Variants in PLCG2 observed in about 807,000 individuals in gnomAD.
The protein encoded by PLCG2 is phospholipase C gamma 2, also known as 1-phosphatidylinositol 4,5-bisphosphate phosphodiesterase gamma-2.
A neutral mutation model predicts 175.6 loss-of-function variants in PLCG2; 69 were observed. The observed-to-expected ratio is 0.39, with a 90% confidence interval of 0.32 to 0.48. The LOEUF is 0.48. PLCG2 is among the 20% of genes least tolerant of loss of function. PLCG2 has a pLI of 0.91. For synonymous variants in PLCG2, 827 were observed against 624.0 expected (o/e 1.33, Z -4.85); for missense variants, 1,798 against 1,650.9 (o/e 1.09, Z -1.54).
At chr16:81,921,396 T>C (rs541719836) in intron 21 of PLCG2, 127 bp downstream of exon 21, 25 of 717,212 alleles carry the variant, frequency 3.5e-5, no homozygotes, top group African/African-American at 2.3e-4. Context: ...AAATAATTTT[T>C]TTTTTTTTTT....
intron 5 of PLCG2, among the ~76,000 whole-genome samples, chr16:81,867,935 G>A (rs187255417): frequency 1.2e-4 from 18 of 152,216 alleles, no homozygotes; most frequent in South Asian, 8.3e-4. Context: ...CTCTGACCTC[G>A]TGATCCGCCC....
chr16:81,794,300 A>G (rs772055523), intron 2 of PLCG2, among the ~76,000 whole-genome samples: 3 of 152,196 alleles, frequency 2.0e-5, no homozygotes, highest in African/African-American at 7.2e-5. Flanking sequence ...TTTGAAAGTT[A>G]TTATTTTATC....
intron 7 of PLCG2, among the ~76,000 whole-genome samples, chr16:81,880,016 C>G (rs4423414): frequency 0.95 from 145,245 of 152,318 alleles, 69,579 homozygotes; most frequent in East Asian, 1. Context: ...CAGGAGGGAG[C>G]ATCTCTTGAG....
At chr16:81,792,800 T>G (rs1446650780) in intron 2 of PLCG2, among the ~76,000 whole-genome samples, 1 of 152,132 alleles carries the variant, frequency 6.6e-6, no homozygotes, top group East Asian at 1.9e-4. Flanking sequence ...GGGTCCCTCC[T>G]ATGACACATG....
chr16:81,849,391 T>G (rs1202152270), intron 2 of PLCG2, among the ~76,000 whole-genome samples: 1 of 152,150 alleles, frequency 6.6e-6, no homozygotes, highest in Non-Finnish European at 1.5e-5. Context: ...CAATGTTACC[T>G]TGTCTAAAAA....
intron 2 of PLCG2, among the ~76,000 whole-genome samples, chr16:81,822,285 G>A (rs36117302): frequency 6.6e-6 from 1 of 152,178 alleles, no homozygotes; most frequent in African/African-American, 2.4e-5. Context: ...GGTCGGCATA[G>A]GTGGTAAGCA....
intron 2 of PLCG2, among the ~76,000 whole-genome samples, chr16:81,837,198 G>T (rs534205537): frequency 6.6e-6 from 1 of 152,372 alleles, no homozygotes; most frequent in Admixed American, 6.5e-5. Context: ...TGCTGCTTCA[G>T]ATGGAAGTCA....
intron 25 of PLCG2, among the ~76,000 whole-genome samples, chr16:81,932,816 C>G (rs1004645879): frequency 2.6e-5 from 4 of 152,244 alleles, no homozygotes; most frequent in Non-Finnish European, 5.9e-5. Context: ...TAATTCTTCC[C>G]ATGGCTTTTC....
chr16:81,795,756 G>C (rs1911440785), intron 2 of PLCG2, among the ~76,000 whole-genome samples: 1 of 151,994 alleles, frequency 6.6e-6, no homozygotes, highest in African/African-American at 2.4e-5. Flanking sequence ...CTGGAGTACA[G>C]TGGTGTGATC....
intron 2 of PLCG2, among the ~76,000 whole-genome samples, chr16:81,812,043 CTTTTTTTTTT>C (rs539108021): frequency 1.9e-4 from 17 of 90,330 alleles, no homozygotes; most frequent in Non-Finnish European, 3.2e-4. Context: ...TGTTTCCTGA[CTTTTTTTTTT>C]TTTTTTTTTT....
intron 2 of PLCG2, among the ~76,000 whole-genome samples, chr16:81,831,616 G>A (rs1020169892): frequency 5.9e-5 from 9 of 152,166 alleles, no homozygotes; most frequent in African/African-American, 2.2e-4. Context: ...GAGGGAGGCA[G>A]GTAGATTTCA....
intron 2 of PLCG2, among the ~76,000 whole-genome samples, chr16:81,766,009 T>A (rs1371503553): frequency 6.6e-6 from 1 of 152,180 alleles, no homozygotes; most frequent in East Asian, 1.9e-4. Context: ...TGCTTGGGTA[T>A]TTTTTTACTT....
chr16:81,944,538 C>A (rs369715245), intron 30 of PLCG2, among the ~76,000 whole-genome samples: 3 of 152,328 alleles, frequency 2.0e-5, no homozygotes, highest in South Asian at 4.1e-4. Flanking sequence ...GATCATAGCT[C>A]ATGGCAGCCT....
At chr16:81,845,077 C>T (rs1170039015) in intron 2 of PLCG2, among the ~76,000 whole-genome samples, 1 of 152,172 alleles carries the variant, frequency 6.6e-6, no homozygotes, top group Non-Finnish European at 1.5e-5. Context: ...TACCAGTGTG[C>T]ACCAGCACAC....
At chr16:81,785,859 A>T in intron 1 of PLCG2, 84 bp from the exon 2 acceptor site, 1 of 799,860 alleles carries the variant, frequency 1.3e-6, no homozygotes, top group East Asian at 2.5e-5. Flanking sequence ...ATGAGACAGG[A>T]TTTTGGTTCC....
intron 2 of PLCG2, among the ~76,000 whole-genome samples, chr16:81,805,590 G>C (rs564866579): frequency 4.8e-5 from 7 of 146,190 alleles, no homozygotes; most frequent in Non-Finnish European, 1.1e-4. Flanking sequence ...CAATTAAAAA[G>C]TGGGCGAAAG....
intron 9 of PLCG2, among the ~76,000 whole-genome samples, chr16:81,887,346 C>G (rs1319367665): frequency 6.6e-6 from 1 of 152,094 alleles, no homozygotes; most frequent in African/African-American, 2.4e-5. Context: ...GTCTCGATCT[C>G]CTGACCTCAT....
chr16:81,950,738 C>A (rs189858822), intron 31 of PLCG2, among the ~76,000 whole-genome samples: 1 of 152,098 alleles, frequency 6.6e-6, no homozygotes, highest in African/African-American at 2.4e-5. Flanking sequence ...TAATAATTTT[C>A]TAAATATACT....
intron 2 of PLCG2, among the ~76,000 whole-genome samples, chr16:81,790,141 T>C (rs987433193): frequency 6.6e-6 from 1 of 152,182 alleles, no homozygotes; most frequent in Admixed American, 6.5e-5. Context: ...AGAAGATGCA[T>C]TGGAGAGGCT....
Sources: gnomAD v4.1 joint callset for allele counts (sites outside exome capture counted in the v4.1 genomes callset) on GRCh38, gnomAD v4.1.1 for gene constraint, MANE v1.5 for transcripts, NCBI Gene and HGNC (gene_info 2026-07-23, HGNC 2026-07-21) for gene names.